The following MTUS2 variants were observed in gnomAD, a reference collection of about 807,000 sequenced individuals.
MTUS2 encodes the protein microtubule associated scaffold protein 2.
MTUS2 carries 40 observed loss-of-function variants against 114.1 expected under a neutral mutation model. That is an observed-to-expected ratio of 0.35 (90% CI 0.27 to 0.46). The LOEUF is 0.46. Among genes scored for constraint, MTUS2 ranks in the 20% least tolerant of loss-of-function variants. The pLI is 1.00. For synonymous variants in MTUS2, 688 were observed against 672.0 expected (o/e 1.02, Z -0.37); for missense variants, 1,679 against 1,705.4 (o/e 0.98, Z 0.27).
chr13:29,214,455 G>A (rs182507078), intron 5 of MTUS2, among the ~76,000 whole-genome samples: 103 of 152,222 alleles, frequency 6.8e-4, no homozygotes, highest in African/African-American at 1.6e-3. Flanking sequence ...TCATAATGTC[G>A]TTGGTCTTTA....
intron 2 of MTUS2, among the ~76,000 whole-genome samples, chr13:28,961,070 A>G (rs921293107): frequency 3.9e-5 from 6 of 152,174 alleles, no homozygotes; most frequent in African/African-American, 1.4e-4. Flanking sequence ...ACATAGGATA[A>G]TAGAAATTAT....
In MTUS2 at chr13:28,959,796, A is replaced by G. The variant is rs968011992; in HGVS notation, c.-242-64661A>G. ...ACACCTGCCACTAGGCCTACCTCCA[A>G]CATTGGAGGGTACATTTCAACATGG... On this transcript the variant is annotated intron_variant, in intron 2 of 15. Coordinates refer to ENST00000612955, the MANE Select transcript of MTUS2 (RefSeq NM_001033602.4). Among the ~76,000 whole-genome samples the G allele has an allele frequency of 1.1e-4, 17 of 152,336 alleles. No homozygotes were observed. The South Asian group carries it at 1.2e-3, about 11-fold the overall frequency.
intron 4 of MTUS2, among the ~76,000 whole-genome samples, chr13:29,039,968 T>C (rs182506143): frequency 6.6e-6 from 1 of 152,320 alleles, no homozygotes; most frequent in East Asian, 1.9e-4. Flanking sequence ...TTTCTCTTTA[T>C]TTTTGAAATA....
intron 5 of MTUS2, among the ~76,000 whole-genome samples, chr13:29,233,534 C>G (rs1355346095): frequency 6.6e-6 from 1 of 152,198 alleles, no homozygotes; most frequent in African/African-American, 2.4e-5. Context: ...AGTTTTATTA[C>G]CACTGGTAGT....
At chr13:28,946,904 T>C (rs2138156620) in intron 2 of MTUS2, among the ~76,000 whole-genome samples, 1 of 152,270 alleles carries the variant, frequency 6.6e-6, no homozygotes, top group Admixed American at 6.5e-5. Flanking sequence ...TATTTCCATG[T>C]AGAAGTCATT....
Position 29,053,688 on chromosome 13 carries a change from G to C in MTUS2, c.2446+19563G>C, listed in dbSNP as rs138783160. 2.0e-5 allele frequency among the ~76,000 whole-genome samples: 3 copies of C among 152,062 alleles called. No individual in the cohort carries two copies. The East Asian group carries it at 5.8e-4, about 29-fold the overall frequency. Reference sequence around the variant, plus strand: ...ACAGTATGTACTGTTTTTGTATCTGGTGTCTGTCACTCATCATAATGTTTT... The same window carrying C: ...ACAGTATGTACTGTTTTTGTATCTGCTGTCTGTCACTCATCATAATGTTTT... On this transcript the variant is annotated intron_variant, in intron 4 of 15. Coordinates refer to ENST00000612955, the MANE Select transcript of MTUS2 (RefSeq NM_001033602.4).
intron 2 of MTUS2, among the ~76,000 whole-genome samples, chr13:28,856,419 C>T (rs1876632083): frequency 6.6e-6 from 1 of 152,202 alleles, no homozygotes; most frequent in South Asian, 2.1e-4. Context: ...CTGACACATC[C>T]TGAGACTGCA....
chr13:29,361,657 C>G (rs1317909572), intron 8 of MTUS2, among the ~76,000 whole-genome samples: 1 of 152,022 alleles, frequency 6.6e-6, no homozygotes, highest in Non-Finnish European at 1.5e-5. Context: ...ACAATGGAGC[C>G]CTTTGAAGTT....
chr13:28,914,121 T>G (rs951290356), intron 2 of MTUS2, among the ~76,000 whole-genome samples: 1 of 152,132 alleles, frequency 6.6e-6, no homozygotes, highest in African/African-American at 2.4e-5. Context: ...TCAGTTCCAC[T>G]CTGATCTTGG....
At chr13:29,491,446 G>C (rs1327912841) in intron 11 of MTUS2, among the ~76,000 whole-genome samples, 2 of 147,604 alleles carry the variant, frequency 1.4e-5, no homozygotes, top group African/African-American at 5.0e-5. Context: ...TGTGTGTAGT[G>C]GGTGTGTGGT....
At chr13:29,312,906 C>A (rs1899832173) in intron 6 of MTUS2, among the ~76,000 whole-genome samples, 1 of 152,110 alleles carries the variant, frequency 6.6e-6, no homozygotes, top group Non-Finnish European at 1.5e-5. Flanking sequence ...TAGGAAGAAA[C>A]AAGAAAGATA....
chr13:29,261,136 A>G (rs1207147842), intron 5 of MTUS2, among the ~76,000 whole-genome samples: 4 of 152,228 alleles, frequency 2.6e-5, no homozygotes, highest in Non-Finnish European at 5.9e-5. Flanking sequence ...GAGAGAAACT[A>G]GCTTCAAGTT....
chr13:29,391,081 G>GATTATT (rs113250854), intron 8 of MTUS2, among the ~76,000 whole-genome samples: 7 of 151,144 alleles, frequency 4.6e-5, no homozygotes, highest in African/African-American at 1.7e-4. Flanking sequence ...GCCCATCCCA[G>GATTATT]ATTATTATTA....
chr13:29,039,176 C>A (rs944029158), intron 4 of MTUS2, among the ~76,000 whole-genome samples: 1 of 152,174 alleles, frequency 6.6e-6, no homozygotes, highest in Non-Finnish European at 1.5e-5. Flanking sequence ...GGGCCTGGAC[C>A]GCATATCCTG....
At chr13:29,355,811 C>T (rs192705008) in intron 7 of MTUS2, among the ~76,000 whole-genome samples, 68 of 152,270 alleles carry the variant, frequency 4.5e-4, no homozygotes, top group African/African-American at 1.6e-3. Flanking sequence ...AGATAAAGCT[C>T]ATTAACAGTT....
chr13:29,349,219 G>C (rs1374020256), intron 7 of MTUS2, among the ~76,000 whole-genome samples: 1 of 150,698 alleles, frequency 6.6e-6, no homozygotes, highest in African/African-American at 2.4e-5. Context: ...GTTGTTTTAG[G>C]GTTCATAATA....
At chr13:29,204,018 G>C (rs1895077324) in intron 5 of MTUS2, among the ~76,000 whole-genome samples, 1 of 151,758 alleles carries the variant, frequency 6.6e-6, no homozygotes, top group Non-Finnish European at 1.5e-5. Context: ...GGAGTGCAGT[G>C]GCATGATCTT....
intron 2 of MTUS2, among the ~76,000 whole-genome samples, chr13:28,893,354 G>A (rs1879044877): frequency 6.6e-6 from 1 of 152,166 alleles, no homozygotes; most frequent in South Asian, 2.1e-4. Context: ...AGATCATTAA[G>A]GATTCATTCT....
chr13:29,501,409 C>T (rs1882894061), intron 15 of MTUS2, among the ~76,000 whole-genome samples: 1 of 152,150 alleles, frequency 6.6e-6, no homozygotes, highest in Non-Finnish European at 1.5e-5. Flanking sequence ...TGAGTGAAAT[C>T]AGCAAAAGTG....
Sources: gnomAD v4.1 joint callset for allele counts (sites outside exome capture counted in the v4.1 genomes callset) on GRCh38, gnomAD v4.1.1 for gene constraint, MANE v1.5 for transcripts, NCBI Gene and HGNC (gene_info 2026-07-23, HGNC 2026-07-21) for gene names.